Variants in LAMTOR3 observed in about 807,000 individuals in gnomAD.
The protein encoded by LAMTOR3 is late endosomal/lysosomal adaptor, MAPK and MTOR activator 3.
Under a neutral mutation model 20.3 loss-of-function variants are expected in LAMTOR3, and 14 were observed. The observed-to-expected ratio is 0.69, with a 90% confidence interval of 0.46 to 1.08. The LOEUF (loss-of-function observed/expected upper bound fraction) is 1.08, where lower values mean the gene tolerates loss of function less well. Among genes scored for constraint, LAMTOR3 ranks in the 50% least tolerant of loss-of-function variants. The pLI, the probability that LAMTOR3 is intolerant of heterozygous loss-of-function variation, is 0.00. For synonymous variants in LAMTOR3, 40 were observed against 49.4 expected (o/e 0.81, Z 0.80); for missense variants, 125 against 143.7 (o/e 0.87, Z 0.67).
At chr4:99,882,294 T>C (rs969766167) in intron 6 of LAMTOR3, among the ~76,000 whole-genome samples, 1 of 152,182 alleles carries the variant, frequency 6.6e-6, no homozygotes, top group African/African-American at 2.4e-5. Context: ...TATTTGAGCA[T>C]CCCTAACCCA....
At chr4:99,893,444 C>G (rs1262339894) in intron 2 of LAMTOR3, among the ~76,000 whole-genome samples, 3 of 152,108 alleles carry the variant, frequency 2.0e-5, no homozygotes. Context: ...TTACTATTCT[C>G]CAAACCCGAC....
At position 99,880,520 on chromosome 4, in the gene LAMTOR3, G is replaced by C. The variant is rs991413349; in HGVS notation, c.*1474C>G. ...GGGCATGAGAACAGCTTGAACCCAG[G>C]AGGCAGAGGTTACAGTGAGGCAAGA... On this transcript the variant is annotated 3_prime_UTR_variant, in exon 7 of 7. Coordinates refer to ENST00000499666, the MANE Select transcript of LAMTOR3 (RefSeq NM_021970.4). 1.3e-5 allele frequency: 2 copies of C among 152,052 alleles called. No homozygotes were observed. Among genetic ancestry groups the C allele is most frequent in the African/African-American group, 4.8e-5 (2 of 41,370 alleles). The allele number at this position is 152,052 out of a possible 1,614,324, so 9.4% of individuals were successfully genotyped here.
chr4:99,885,564 A>T lies in LAMTOR3; in HGVS notation c.215T>A (p.Ile72Asn). ...TACCTGGTAGGTGTTATAGTAACAG[A>T]TGATACTTTTATTTTTGGAAAGTCC... Reference protein sequence around the residue: ...KLGLSKNKSIICYYNTYQVVQ... With the variant: ...KLGLSKNKSINCYYNTYQVVQ... The change falls in exon 5 of 7, where the codon ATC becomes AAC. Residue 72 changes from isoleucine (I) to asparagine (N), a missense_variant. Ile to Asn is a moderately radical substitution (Grantham distance 149). Coordinates refer to ENST00000499666, the MANE Select transcript of LAMTOR3 (RefSeq NM_021970.4). The T allele has an allele frequency of 6.2e-7, 1 of 1,612,738 alleles. No individual in the cohort carries two copies. The highest frequency in any genetic ancestry group is 2.2e-5 in the East Asian group (1 of 44,832).
intron 5 of LAMTOR3, among the ~76,000 whole-genome samples, chr4:99,885,128 CAT>C (rs1287213742): frequency 6.6e-6 from 1 of 152,058 alleles, no homozygotes; most frequent in African/African-American, 2.4e-5. Flanking sequence ...TCATTTATTA[CAT>C]ATATATATTT....
chr4:99,880,090 T>C lies in LAMTOR3; in HGVS notation c.*1904A>G, dbSNP rs1009095266. On this transcript the variant is annotated 3_prime_UTR_variant, in exon 7 of 7. Coordinates refer to ENST00000499666, the MANE Select transcript of LAMTOR3 (RefSeq NM_021970.4). ...ATAGCTCTTTGCAGGTAAAGCATTA[T>C]ATCTCTTGCCTCTATTTTATTTACA... The C allele has an allele frequency of 1.3e-5, 2 of 152,132 alleles. No individual in the cohort carries two copies. The highest frequency in any genetic ancestry group is 4.8e-5 in the African/African-American group (2 of 41,368). 9.4% of individuals were successfully genotyped at this position (152,132 alleles called of 1,614,324 possible). A position where few individuals can be genotyped will look rare whatever the true frequency, so the allele number is the denominator to read the frequency against.
intron 3 of LAMTOR3, among the ~76,000 whole-genome samples, 163 bp downstream of exon 3, chr4:99,891,837 G>A (rs1375293483): frequency 6.6e-6 from 1 of 152,278 alleles, no homozygotes; most frequent in East Asian, 1.9e-4. Flanking sequence ...GAGGAAAGCG[G>A]TTGTGACGAA....
intron 2 of LAMTOR3, among the ~76,000 whole-genome samples, chr4:99,892,499 T>G (rs1281821835): frequency 6.6e-6 from 1 of 152,212 alleles, no homozygotes; most frequent in Non-Finnish European, 1.5e-5. Context: ...ATGACCTCTG[T>G]AAGACTGTTG....
chr4:99,878,678 A>T lies in LAMTOR3; in HGVS notation c.*3316T>A, dbSNP rs1482157791. On this transcript the variant is annotated 3_prime_UTR_variant, in exon 7 of 7. Coordinates refer to ENST00000499666, the MANE Select transcript of LAMTOR3 (RefSeq NM_021970.4). Reference sequence around the variant, plus strand: ...CATGCTTTTCTCAATAAACATTATTATGCCTTAGAGATCTTTTCATCTCAG... The same window carrying T: ...CATGCTTTTCTCAATAAACATTATTTTGCCTTAGAGATCTTTTCATCTCAG... The T allele has an allele frequency of 1.3e-5, 2 of 152,248 alleles. No individual in the cohort carries two copies. Among genetic ancestry groups the T allele is most frequent in the African/African-American group, 4.8e-5 (2 of 41,468 alleles). The allele number at this position is 152,248 out of a possible 1,614,324, so 9.4% of individuals were successfully genotyped here. A position where few individuals can be genotyped will look rare whatever the true frequency, so the allele number is the denominator to read the frequency against.
chr4:99,883,140 C>A (rs1004212555), intron 6 of LAMTOR3, among the ~76,000 whole-genome samples: 3 of 151,930 alleles, frequency 2.0e-5, no homozygotes. Context: ...AATCTTAACA[C>A]CATTACTATC....
intron 3 of LAMTOR3, among the ~76,000 whole-genome samples, chr4:99,889,473 C>T (rs1458735603): frequency 6.6e-6 from 1 of 152,200 alleles, no homozygotes; most frequent in Non-Finnish European, 1.5e-5. Context: ...AAAGATTACT[C>T]TCAAAGTTAC....
In LAMTOR3 at chr4:99,894,169, G is replaced by A. The variant is rs111412798; in HGVS notation, c.-38+166C>T. 6.2e-3 allele frequency among the ~76,000 whole-genome samples: 938 copies of A among 152,146 alleles called. 5 individuals carry two copies. Among genetic ancestry groups the A allele is most frequent in the Admixed American group, 9.2e-3 (140 of 15,296 alleles). On this transcript the variant is annotated intron_variant, in intron 1 of 6. Transcript: ENST00000499666. ...TCGGAGTGCCCCAGCACCCCCACAG[G>A]TACTCAGCTGGCACACCTTACCTCA...
intron 6 of LAMTOR3, among the ~76,000 whole-genome samples, 176 bp from the exon 7 acceptor site, chr4:99,882,243 C>G (rs1724841563): frequency 6.6e-6 from 1 of 152,128 alleles, no homozygotes; most frequent in South Asian, 2.1e-4. Context: ...TGCTGGGTAT[C>G]AGAAGTGTTT....
At chr4:99,891,914 C>T (rs1306805128) in intron 3 of LAMTOR3, 86 bp downstream of exon 3, 2 of 1,503,644 alleles carry the variant, frequency 1.3e-6, no homozygotes, top group Admixed American at 5.3e-5. Flanking sequence ...AGATACTTCA[C>T]AACATGGAAA....
chr4:99,881,975 C>G lies in LAMTOR3; in HGVS notation c.*19G>C. The G allele has an allele frequency of 1.3e-6, 2 of 1,520,284 alleles. No homozygotes were observed. The highest frequency in any genetic ancestry group is 1.8e-6 in the Non-Finnish European group (2 of 1,098,248). 94.2% of individuals were successfully genotyped at this position (1,520,284 alleles called of 1,614,324 possible). A position where few individuals can be genotyped will look rare whatever the true frequency, so the allele number is the denominator to read the frequency against. On this transcript the variant is annotated 3_prime_UTR_variant, in exon 7 of 7. Transcript: ENST00000499666. ...GTTGTTATAATGAAGATAAGGTACACACTGAAACCACTGTCAGATTAAGAA... is the reference window on the plus strand; with the variant it reads ...GTTGTTATAATGAAGATAAGGTACAGACTGAAACCACTGTCAGATTAAGAA...
intron 3 of LAMTOR3, among the ~76,000 whole-genome samples, chr4:99,888,970 C>G (rs1287791370): frequency 6.6e-6 from 1 of 152,038 alleles, no homozygotes; most frequent in Non-Finnish European, 1.5e-5. Context: ...TTTGGGAGGC[C>G]AAGGTGGGCA....
At chr4:99,887,660 GCAGGGGCTATAGTGACAAAAAA>G (rs1450031147) in intron 3 of LAMTOR3, among the ~76,000 whole-genome samples, 5 of 152,186 alleles carry the variant, frequency 3.3e-5, no homozygotes, top group Non-Finnish European at 5.9e-5. Flanking sequence ...AAGATTATCA[GCAGGGGCTATAGTGACAAAAAA>G]CAGCCTTTTT....
At chr4:99,885,058 G>C (rs1446401465) in intron 5 of LAMTOR3, among the ~76,000 whole-genome samples, 2 of 151,802 alleles carry the variant, frequency 1.3e-5, no homozygotes, top group African/African-American at 4.8e-5. Context: ...AGAAAATGTA[G>C]CTTGAGATCA....
Position 99,885,650 on chromosome 4 carries a change from A to G in LAMTOR3, c.129T>C (p.His43=). ...IKVANDNAPE[H]ALRPGFLSTF... ...TGGATAAGAAACCAGGTCGCAAAGC[A>G]TGCTCTGGAGCATTGTCATTTGCCA... Residue 43 remains histidine (H), a synonymous_variant, in exon 5 of 7, where the codon CAT becomes CAC. Coordinates refer to ENST00000499666, the MANE Select transcript of LAMTOR3 (RefSeq NM_021970.4). The G allele has an allele frequency of 6.2e-7, 1 of 1,613,644 alleles. No homozygotes were observed. The highest frequency in any genetic ancestry group is 1.1e-5 in the South Asian group (1 of 91,032).
At chr4:99,888,005 C>T (rs1007394648) in intron 3 of LAMTOR3, among the ~76,000 whole-genome samples, 4 of 152,098 alleles carry the variant, frequency 2.6e-5, no homozygotes, top group Non-Finnish European at 5.9e-5. Flanking sequence ...AGTGAAAAGA[C>T]GTGGAAAAAC....
Sources: allele counts gnomAD v4.1 joint callset (sites outside exome capture counted in the v4.1 genomes callset), GRCh38; gene constraint gnomAD v4.1.1; transcripts MANE v1.5; gene names NCBI Gene and HGNC (gene_info 2026-07-23, HGNC 2026-07-21).